Variants in CRPPA observed in about 807,000 individuals in gnomAD.
The protein encoded by CRPPA is D-ribitol-5-phosphate cytidylyltransferase.
A neutral mutation model predicts 52.0 loss-of-function variants in CRPPA; 43 were observed. That is an observed-to-expected ratio of 0.83 (90% CI 0.65 to 1.07). The LOEUF is 1.07. CRPPA is among the 50% of genes least tolerant of loss of function. CRPPA has a pLI of 0.00. For missense variants in CRPPA, 629 were observed against 551.7 expected (o/e 1.14, Z -1.40); for synonymous variants, 250 against 203.5 (o/e 1.23, Z -1.94).
intron 2 of CRPPA, among the ~76,000 whole-genome samples, chr7:16,399,484 C>A (rs75440699): frequency 7.0e-6 from 1 of 143,274 alleles, no homozygotes; most frequent in Non-Finnish European, 1.5e-5. Flanking sequence ...GACGTTTGAT[C>A]AACACATGTG....
chr7:16,342,763 C>CAAAAAAAAAAAAAAAAAAAAAAAAA (rs368521163), intron 3 of CRPPA, among the ~76,000 whole-genome samples: 1 of 64,960 alleles, frequency 1.5e-5, no homozygotes, highest in African/African-American at 6.0e-5. Flanking sequence ...CCTGTCTCCA[C>CAAAAAAAAAAAAAAAAAAAAAAAAA]AAAAAAAAAA....
At chr7:16,119,388 T>A (rs113551935) in intron 9 of CRPPA, among the ~76,000 whole-genome samples, 17 of 145,032 alleles carry the variant, frequency 1.2e-4, no homozygotes, top group African/African-American at 1.3e-4. Context: ...GAAAAAAAAA[T>A]TAAAAAAAAT....
rs374337792 is a variant in CRPPA at position 16,093,662 on chromosome 7, C to A, written c.1252-1863G>T. Among the ~76,000 whole-genome samples, 7 of 152,212 alleles carry A rather than the reference C, an allele frequency of 4.6e-5. No homozygotes were observed. In the East Asian group the frequency reaches 7.7e-4, roughly 17 times the overall value. ...GAATATCACGATACCTAAACCACATCTAAACAAATCAAAAAACTATATATG... is the reference window on the plus strand; with the variant it reads ...GAATATCACGATACCTAAACCACATATAAACAAATCAAAAAACTATATATG... On this transcript the variant is annotated intron_variant, in intron 9 of 9. Coordinates refer to ENST00000407010, the MANE Select transcript of CRPPA (RefSeq NM_001101426.4).
chr7:16,322,639 T>C (rs998550829), intron 3 of CRPPA, among the ~76,000 whole-genome samples: 4 of 152,048 alleles, frequency 2.6e-5, no homozygotes, highest in Admixed American at 2.0e-4. Flanking sequence ...CCTGACAACA[T>C]TTGTTGAGCA....
chr7:16,337,299 G>T (rs1429919886), intron 3 of CRPPA, among the ~76,000 whole-genome samples: 2 of 152,036 alleles, frequency 1.3e-5, no homozygotes, highest in African/African-American at 4.8e-5. Context: ...CTAAAAGTCA[G>T]TAACAGTTGA....
chr7:16,335,180 G>GAAA (rs1785650120), intron 3 of CRPPA, among the ~76,000 whole-genome samples: 1 of 136,424 alleles, frequency 7.3e-6, no homozygotes, highest in African/African-American at 2.7e-5. Context: ...AAAAAAAAAG[G>GAAA]AAAAAGAATA....
intron 3 of CRPPA, among the ~76,000 whole-genome samples, chr7:16,323,097 C>A (rs1029685993): frequency 6.6e-6 from 1 of 152,094 alleles, no homozygotes; most frequent in African/African-American, 2.4e-5. Flanking sequence ...GAGATTACAA[C>A]TCAAGATGAG....
chr7:16,204,810 G>C (rs1326353473), intron 9 of CRPPA, among the ~76,000 whole-genome samples: 3 of 152,080 alleles, frequency 2.0e-5, no homozygotes, highest in Non-Finnish European at 4.4e-5. Context: ...ATAAAGCCAA[G>C]GCATCTGTAA....
intron 9 of CRPPA, among the ~76,000 whole-genome samples, chr7:16,152,390 T>G (rs1362025720): frequency 2.6e-5 from 4 of 151,954 alleles, no homozygotes; most frequent in Admixed American, 2.6e-4. Context: ...ATTTGAACTA[T>G]AACACACTCA....
chr7:16,216,610 A>G (rs547361694), intron 8 of CRPPA: 115 of 159,008 alleles, frequency 7.2e-4, no homozygotes, highest in East Asian at 5.1e-3. Context: ...GAAGCAGGGC[A>G]AGGCATTGCC....
At chr7:16,310,613 C>T (rs1260392836) in intron 3 of CRPPA, among the ~76,000 whole-genome samples, 1 of 151,960 alleles carries the variant, frequency 6.6e-6, no homozygotes, top group Non-Finnish European at 1.5e-5. Context: ...AGTCGTGTGA[C>T]TCATCGACAA....
At chr7:16,327,534 A>C (rs1325593002) in intron 3 of CRPPA, among the ~76,000 whole-genome samples, 1 of 142,700 alleles carries the variant, frequency 7.0e-6, no homozygotes, top group Non-Finnish European at 1.5e-5. Context: ...CGGAGCTCGC[A>C]GTGAGCCGAG....
chr7:16,325,253 T>C lies in CRPPA; in HGVS notation c.685-16626A>G, dbSNP rs554397184. Among the ~76,000 whole-genome samples, 800 of 152,284 alleles carry C rather than the reference T, an allele frequency of 5.3e-3. 6 individuals carry two copies. Among genetic ancestry groups the C allele is most frequent in the African/African-American group, 0.018 (736 of 41,560 alleles). ...ACCTTAAATGCTATGTACTCCTTCT[T>C]TGAGCTGGAGAACGATGGAAACTAA... is the stretch of plus-strand genomic sequence containing the variant. On this transcript the variant is annotated intron_variant, in intron 3 of 9. Transcript: ENST00000407010.
chr7:16,399,375 G>C (rs1787727623), intron 2 of CRPPA, among the ~76,000 whole-genome samples: 1 of 151,736 alleles, frequency 6.6e-6, no homozygotes, highest in Non-Finnish European at 1.5e-5. Context: ...TGACACATTT[G>C]TGACACGATT....
chr7:16,230,666 T>G (rs577313422), intron 8 of CRPPA, among the ~76,000 whole-genome samples: 2 of 152,326 alleles, frequency 1.3e-5, no homozygotes, highest in East Asian at 3.9e-4. Context: ...TGTACCACAT[T>G]TTTTTCATAT....
intron 9 of CRPPA, among the ~76,000 whole-genome samples, chr7:16,159,461 G>GAGAA (rs1783256967): frequency 6.6e-6 from 1 of 152,156 alleles, no homozygotes; most frequent in Non-Finnish European, 1.5e-5. Flanking sequence ...TTCTGTTCCT[G>GAGAA]TGTTAGCTTG....
At chr7:16,199,473 T>C (rs781328960) in intron 9 of CRPPA, among the ~76,000 whole-genome samples, 4 of 152,164 alleles carry the variant, frequency 2.6e-5, no homozygotes, top group Non-Finnish European at 5.9e-5. Context: ...AATAAAAGAA[T>C]TAAAATATCT....
At chr7:16,193,892 T>C (rs1781669256) in intron 9 of CRPPA, among the ~76,000 whole-genome samples, 1 of 152,082 alleles carries the variant, frequency 6.6e-6, no homozygotes, top group Non-Finnish European at 1.5e-5. Context: ...CCTCAACTCT[T>C]AAGGAATCCA....
intron 3 of CRPPA, among the ~76,000 whole-genome samples, chr7:16,350,310 A>G (rs189284344): frequency 1.3e-3 from 191 of 152,290 alleles, no homozygotes; most frequent in Non-Finnish European, 1.7e-3. Context: ...TGACTACATA[A>G]AACTCACTGG....
Sources: allele counts gnomAD v4.1 joint callset (sites outside exome capture counted in the v4.1 genomes callset), GRCh38; gene constraint gnomAD v4.1.1; transcripts MANE v1.5; gene names NCBI Gene and HGNC (gene_info 2026-07-23, HGNC 2026-07-21).